The following PPM1L variants were observed in gnomAD, a reference collection of about 807,000 sequenced individuals.
PPM1L encodes protein phosphatase 1L.
Under a neutral mutation model 31.4 loss-of-function variants are expected in PPM1L, and 13 were observed. The observed-to-expected ratio is 0.41, with a 90% CI of 0.27 to 0.66. PPM1L has a LOEUF of 0.66. PPM1L is among the 30% of genes least tolerant of loss of function. The pLI is 0.29. For synonymous variants in PPM1L, 184 were observed against 175.4 expected (o/e 1.05, Z -0.39); for missense variants, 326 against 453.7 (o/e 0.72, Z 2.56).
In PPM1L at chr3:161,070,252, G is replaced by A. The variant is rs1719866482; in HGVS notation, c.*1095G>A. The A allele has an allele frequency of 2.6e-5, 4 of 152,238 alleles. No homozygotes were observed. The highest frequency in any genetic ancestry group is 2.6e-4 in the Admixed American group (4 of 15,284). 9.4% of individuals were successfully genotyped at this position (152,238 alleles called of 1,614,324 possible). ...CTGTATGTGTGTTCCTTGAAGCCAG[G>A]TGCAGAGTTCCCAGCTACTGCAGCT... On this transcript the variant is annotated 3_prime_UTR_variant, in exon 4 of 4. Transcript: ENST00000498165.
chr3:160,778,152 T>C (rs910430927), intron 1 of PPM1L, among the ~76,000 whole-genome samples: 1 of 152,176 alleles, frequency 6.6e-6, no homozygotes, highest in South Asian at 2.1e-4. Flanking sequence ...TTGGCCATCA[T>C]TTTATATGCT....
At chr3:161,007,863 G>A (rs1467560063) in intron 2 of PPM1L, among the ~76,000 whole-genome samples, 1 of 152,118 alleles carries the variant, frequency 6.6e-6, no homozygotes, top group Admixed American at 6.5e-5. Flanking sequence ...TGGCAGCAGG[G>A]TAGGTAATAA....
intron 1 of PPM1L, among the ~76,000 whole-genome samples, chr3:160,762,788 G>A (rs989991513): frequency 5.3e-5 from 8 of 152,162 alleles, no homozygotes; most frequent in African/African-American, 1.7e-4. Context: ...TGCAGGCACC[G>A]TTGGAAGAAG....
intron 1 of PPM1L, among the ~76,000 whole-genome samples, chr3:160,907,520 C>G (rs190433115): frequency 1.4e-4 from 21 of 152,076 alleles, no homozygotes; most frequent in Admixed American, 1.4e-3. Context: ...CTGTGTACTT[C>G]TTCATTTCTC....
chr3:161,040,317 A>G (rs1473274830), intron 2 of PPM1L, among the ~76,000 whole-genome samples: 1 of 152,190 alleles, frequency 6.6e-6, no homozygotes, highest in East Asian at 1.9e-4. Context: ...TTAATTCTTA[A>G]GTAGTGCTAA....
At chr3:160,826,596 A>G (rs1560118043) in intron 1 of PPM1L, among the ~76,000 whole-genome samples, 4 of 152,274 alleles carry the variant, frequency 2.6e-5, no homozygotes, top group Admixed American at 2.0e-4. Flanking sequence ...TTGTCTGTTA[A>G]AGTTCATTTT....
chr3:161,019,053 A>C (rs1329149829), intron 2 of PPM1L, among the ~76,000 whole-genome samples: 3 of 152,228 alleles, frequency 2.0e-5, no homozygotes, highest in African/African-American at 7.2e-5. Flanking sequence ...TATCCACAGA[A>C]ACCACTTCGG....
In PPM1L at chr3:161,028,158, C is replaced by T. The variant is rs186984432; in HGVS notation, c.575-37245C>T. On this transcript the variant is annotated intron_variant, in intron 2 of 3. Coordinates refer to ENST00000498165, the MANE Select transcript of PPM1L (RefSeq NM_139245.4). ...AAGTAATAGAATTAACAAGGCTTAC[C>T]GGGTGATTTGCTATGGTCATGGAGT... is the stretch of plus-strand genomic sequence containing the variant. Among the ~76,000 whole-genome samples, 547 of 152,176 alleles carry T rather than the reference C, an allele frequency of 3.6e-3. 2 individuals carry two copies. The highest frequency in any genetic ancestry group is 5.0e-3 in the Non-Finnish European group (341 of 68,022).
At chr3:160,813,408 T>C (rs1712872455) in intron 1 of PPM1L, among the ~76,000 whole-genome samples, 1 of 152,192 alleles carries the variant, frequency 6.6e-6, no homozygotes, top group African/African-American at 2.4e-5. Flanking sequence ...GGCACAGTCT[T>C]GGCTCACTGC....
chr3:160,916,196 C>G (rs1714174149), intron 1 of PPM1L, among the ~76,000 whole-genome samples: 1 of 152,150 alleles, frequency 6.6e-6, no homozygotes, highest in African/African-American at 2.4e-5. Flanking sequence ...CTACAATGAA[C>G]TCAAACAAAT....
chr3:160,874,851 G>C (rs368182516), intron 1 of PPM1L, among the ~76,000 whole-genome samples: 2 of 152,272 alleles, frequency 1.3e-5, no homozygotes, highest in East Asian at 3.9e-4. Context: ...AATTAGAGGG[G>C]TATGCCAGAG....
chr3:160,804,504 A>G (rs1281684101), intron 1 of PPM1L, among the ~76,000 whole-genome samples: 1 of 152,196 alleles, frequency 6.6e-6, no homozygotes, highest in Non-Finnish European at 1.5e-5. Context: ...AAAATCAAGC[A>G]TTAGTTCTTT....
intron 1 of PPM1L, among the ~76,000 whole-genome samples, chr3:160,919,720 T>C (rs1714322772): frequency 6.6e-6 from 1 of 152,168 alleles, no homozygotes; most frequent in South Asian, 2.1e-4. Flanking sequence ...TGTTTTAGAC[T>C]GAAGAAAAAT....
chr3:160,862,384 G>A (rs1031856543), intron 1 of PPM1L, among the ~76,000 whole-genome samples: 5 of 152,004 alleles, frequency 3.3e-5, no homozygotes, highest in South Asian at 2.1e-4. Context: ...TTCAATTCAG[G>A]CACTGAAATG....
intron 2 of PPM1L, among the ~76,000 whole-genome samples, chr3:160,970,306 T>C (rs1295830180): frequency 6.6e-6 from 1 of 152,146 alleles, no homozygotes; most frequent in Non-Finnish European, 1.5e-5. Flanking sequence ...TAGCCATGTA[T>C]AATAACAGTA....
chr3:160,975,635 A>G (rs1300681802), intron 2 of PPM1L, among the ~76,000 whole-genome samples: 1 of 152,146 alleles, frequency 6.6e-6, no homozygotes, highest in Admixed American at 6.5e-5. Context: ...CTTTGAAGCA[A>G]TTGTGAATGA....
At chr3:160,983,486 G>C (rs1490134576) in intron 2 of PPM1L, among the ~76,000 whole-genome samples, 1 of 152,078 alleles carries the variant, frequency 6.6e-6, no homozygotes, top group Non-Finnish European at 1.5e-5. Context: ...AATGAAATGA[G>C]GTCAAATATG....
At chr3:160,897,593 T>C (rs1412340253) in intron 1 of PPM1L, among the ~76,000 whole-genome samples, 1 of 152,228 alleles carries the variant, frequency 6.6e-6, no homozygotes, top group Admixed American at 6.5e-5. Flanking sequence ...TTTAAGGCTT[T>C]GAGCAAAGGA....
intron 1 of PPM1L, among the ~76,000 whole-genome samples, chr3:160,829,769 A>G (rs1254574466): frequency 6.6e-6 from 1 of 152,098 alleles, no homozygotes; most frequent in Non-Finnish European, 1.5e-5. Flanking sequence ...TAAAGTTATT[A>G]AGGGAGCAGC....
Sources: allele counts gnomAD v4.1 joint callset (sites outside exome capture counted in the v4.1 genomes callset), GRCh38; gene constraint gnomAD v4.1.1; transcripts MANE v1.5; gene names NCBI Gene and HGNC (gene_info 2026-07-23, HGNC 2026-07-21).